ETV6: variants seen among roughly 807,000 people sequenced by gnomAD.
ETV6 encodes the protein transcription factor ETV6.
ETV6 carries 16 observed loss-of-function variants against 51.1 expected under a neutral mutation model. That is an observed-to-expected ratio of 0.31 (90% CI 0.21 to 0.48). The LOEUF is 0.48. Ranked by LOEUF, ETV6 falls within the 20% of genes least tolerant of loss-of-function variation. ETV6 has a pLI of 0.99. For synonymous variants in ETV6, 240 were observed against 224.1 expected (o/e 1.07, Z -0.64); for missense variants, 458 against 594.8 (o/e 0.77, Z 2.39).
At chr12:11,886,064 G>A (rs756348898) in intron 7 of ETV6, 38 bp downstream of exon 7, 7 of 1,470,058 alleles carry the variant, frequency 4.8e-6, no homozygotes, top group Non-Finnish European at 6.7e-6. Flanking sequence ...CTTTTGGGAG[G>A]ATGCTGTTTT....
chr12:11,806,341 C>G lies in ETV6; in HGVS notation c.164-32799C>G, dbSNP rs561231654. 1.6e-4 allele frequency among the ~76,000 whole-genome samples: 25 copies of G among 152,300 alleles called. No homozygotes were observed. In the South Asian group the frequency reaches 5.2e-3, roughly 32 times the overall value. ...AGTAAGAAACAATTGAGAGGCATTG[C>G]TCTGGGCCCAAAAGTCTAGTAACAG... On this transcript the variant is annotated intron_variant, in intron 2 of 7. Coordinates refer to ENST00000396373, the MANE Select transcript of ETV6 (RefSeq NM_001987.5).
intron 1 of ETV6, among the ~76,000 whole-genome samples, chr12:11,736,216 C>T (rs1269166257): frequency 6.6e-6 from 1 of 152,180 alleles, no homozygotes; most frequent in Non-Finnish European, 1.5e-5. Context: ...TTACAAAGGT[C>T]TTCAGATCAT....
intron 2 of ETV6, among the ~76,000 whole-genome samples, chr12:11,771,448 A>G (rs963721474): frequency 2.0e-5 from 3 of 152,232 alleles, no homozygotes; most frequent in Non-Finnish European, 4.4e-5. Flanking sequence ...GCAGAGATAA[A>G]CTTCAAACTG....
At chr12:11,789,238 T>C (rs930137583) in intron 2 of ETV6, among the ~76,000 whole-genome samples, 1 of 152,128 alleles carries the variant, frequency 6.6e-6, no homozygotes, top group Non-Finnish European at 1.5e-5. Flanking sequence ...TTCACCATGT[T>C]GGCCAGGCTA....
intron 1 of ETV6, among the ~76,000 whole-genome samples, chr12:11,742,932 A>G (rs1375925299): frequency 1.3e-5 from 2 of 149,888 alleles, no homozygotes; most frequent in Admixed American, 1.3e-4. Flanking sequence ...TCAGCCTCCC[A>G]AGTAGCTGGA....
intron 7 of ETV6, among the ~76,000 whole-genome samples, chr12:11,887,630 C>G (rs1947215704): frequency 6.6e-6 from 1 of 151,952 alleles, no homozygotes; most frequent in Non-Finnish European, 1.5e-5. Context: ...CACCTGTAGT[C>G]CCAGCTACTC....
rs1255318252 is a variant in ETV6, at chr12:11,869,449, G to A, written c.489G>A (p.Arg163=). The A allele has an allele frequency of 1.9e-6, 3 of 1,612,774 alleles. No homozygotes were observed. Among genetic ancestry groups the A allele is most frequent in the East Asian group, 2.2e-5 (1 of 44,868 alleles). The change falls in exon 5 of 8, where the codon AGG becomes AGA. Residue 163 remains arginine, a synonymous_variant. Transcript: ENST00000396373. The surrounding 1 kb of genome is among the most constrained non-coding windows in gnomAD (Gnocchi z 5.0). ...EEDNCVQRTP[R]PSVDNVHHNP... Reference sequence around the variant, plus strand: ...ATAACTGTGTCCAGAGGACCCCCAGGCCATCCGTGGATAATGTGCACCATA... The same window carrying A: ...ATAACTGTGTCCAGAGGACCCCCAGACCATCCGTGGATAATGTGCACCATA...
Position 11,884,297 on chromosome 12 carries a change from T to G in ETV6, c.1010-148T>G, listed in dbSNP as rs75882786. On this transcript the variant is annotated intron_variant, in intron 5 of 7. Transcript: ENST00000396373. ...TCCCTCCATCTTTCTGGGCCTCCGT[T>G]TCTTCCCGGTAAAACAAGGAAGTTA... 512 of 897,658 alleles carry G rather than the reference T, an allele frequency of 5.7e-4. 5 individuals are homozygous for G. The African/African-American group carries it at 7.7e-3, about 14-fold the overall frequency. The allele number at this position is 897,658 out of a possible 1,614,324, so 55.6% of individuals were successfully genotyped here.
Position 11,808,732 on chromosome 12 carries a change from G to T in ETV6, c.164-30408G>T, listed in dbSNP as rs1038303557. The stretch of plus-strand genomic sequence containing the variant: ...GCAAAGTAAAGCTACACCAAAGAGG[G>T]TAATAGCAGGCTATAAAGTACTGAG... On this transcript the variant is annotated intron_variant, in intron 2 of 7. Coordinates refer to ENST00000396373, the MANE Select transcript of ETV6 (RefSeq NM_001987.5). 5.3e-5 allele frequency among the ~76,000 whole-genome samples: 8 copies of T among 152,308 alleles called. No individual in the cohort carries two copies. In the East Asian group the frequency reaches 1.2e-3, roughly 22 times the overall value.
chr12:11,651,846 A>G lies in ETV6; in HGVS notation c.33+1686A>G, dbSNP rs540705741. Among the ~76,000 whole-genome samples, 11 of 152,342 alleles carry G rather than the reference A, an allele frequency of 7.2e-5. No homozygotes were observed. In the South Asian group the frequency reaches 2.1e-3, roughly 29 times the overall value. ...TCAGTAACTTTAGGGCAAAAACAACAAAAAACAATGCTTTCTGTGACGTTT... is the reference window on the plus strand; with the variant it reads ...TCAGTAACTTTAGGGCAAAAACAACGAAAAACAATGCTTTCTGTGACGTTT... On this transcript the variant is annotated intron_variant, in intron 1 of 7. Coordinates refer to ENST00000396373, the MANE Select transcript of ETV6 (RefSeq NM_001987.5).
chr12:11,815,724 G>A (rs1945982562), intron 2 of ETV6, among the ~76,000 whole-genome samples: 2 of 152,256 alleles, frequency 1.3e-5, no homozygotes, highest in African/African-American at 4.8e-5. Flanking sequence ...ACATCCAGGT[G>A]AAGAGCTTGA....
intron 2 of ETV6, among the ~76,000 whole-genome samples, chr12:11,797,124 T>C (rs1421658772): frequency 6.6e-6 from 1 of 152,232 alleles, no homozygotes; most frequent in Non-Finnish European, 1.5e-5. Flanking sequence ...TGTTGGTCCT[T>C]TACTATGATG....
intron 2 of ETV6, among the ~76,000 whole-genome samples, chr12:11,768,641 A>G (rs1045742966): frequency 1.3e-5 from 2 of 152,224 alleles, no homozygotes; most frequent in Non-Finnish European, 2.9e-5. Context: ...CATAGTCTGC[A>G]TACTCTCGAA....
At position 11,839,286 on chromosome 12, in the gene ETV6, T is replaced by A; in HGVS notation, c.310T>A (p.Tyr104Asn). The A allele has an allele frequency of 1.9e-6, 3 of 1,613,872 alleles. No homozygotes were observed. Among genetic ancestry groups the A allele is most frequent in the Non-Finnish European group, 2.5e-6 (3 of 1,179,808 alleles). The change falls in exon 3 of 8, where the codon TAT becomes AAT. Residue 104 changes from tyrosine (Y) to asparagine (N), a missense_variant. Transcript: ENST00000396373. ...GCTGCTGACCAAAGAGGACTTTCGC[T>A]ATCGATCTCCTCATTCAGGTGAGAG... ...LLLLTKEDFRYRSPHSGDVLY... is the reference protein window; with the variant it reads ...LLLLTKEDFRNRSPHSGDVLY...
chr12:11,650,097 G>C lies in ETV6; in HGVS notation c.-31G>C, dbSNP rs1422198369. On this transcript the variant is annotated 5_prime_UTR_variant, in exon 1 of 8. Coordinates refer to ENST00000396373, the MANE Select transcript of ETV6 (RefSeq NM_001987.5). Reference sequence around the variant, plus strand: ...GAGGAAAGGAAAGTGGAAAAAACCTGAGAACTTCCTGATCTCTCTCGCTGT... The same window carrying C: ...GAGGAAAGGAAAGTGGAAAAAACCTCAGAACTTCCTGATCTCTCTCGCTGT... 6.2e-7 allele frequency: 1 copy of C among 1,611,842 alleles called. No homozygotes were observed. Among genetic ancestry groups the C allele is most frequent in the African/African-American group, 1.3e-5 (1 of 74,864 alleles).
intron 4 of ETV6, among the ~76,000 whole-genome samples, chr12:11,863,667 C>G (rs1946748303): frequency 1.3e-5 from 2 of 152,214 alleles, no homozygotes; most frequent in African/African-American, 4.8e-5. Flanking sequence ...AGACAGAAGA[C>G]TCCTACATCT....
chr12:11,697,430 C>T (rs1410261784), intron 1 of ETV6, among the ~76,000 whole-genome samples: 2 of 152,174 alleles, frequency 1.3e-5, no homozygotes, highest in Admixed American at 6.5e-5. Flanking sequence ...TCTCAAGAAA[C>T]GGCTTAAAGG....
chr12:11,662,495 T>C (rs1424731158), intron 1 of ETV6, among the ~76,000 whole-genome samples: 1 of 152,210 alleles, frequency 6.6e-6, no homozygotes, highest in Non-Finnish European at 1.5e-5. Context: ...CGTTCGTTGT[T>C]AGCCATCATG....
At chr12:11,846,443 C>A (rs1946465730) in intron 3 of ETV6, among the ~76,000 whole-genome samples, 1 of 152,114 alleles carries the variant, frequency 6.6e-6, no homozygotes, top group Non-Finnish European at 1.5e-5. Flanking sequence ...GTTGCAAAAC[C>A]CCCTGGGAGA....
Sources: allele counts gnomAD v4.1 joint callset (sites outside exome capture counted in the v4.1 genomes callset), GRCh38; gene constraint gnomAD v4.1.1; non-coding constraint Gnocchi (gnomAD v3.1); transcripts MANE v1.5; gene names NCBI Gene and HGNC (gene_info 2026-07-23, HGNC 2026-07-21).